DRC11: variants seen among roughly 807,000 people sequenced by gnomAD.
DRC11 encodes the protein dynein regulatory complex subunit 11.
the DRC11 span, among the ~76,000 whole-genome samples, chr2:236,388,879 C>T: frequency 6.6e-6 from 1 of 152,068 alleles, no homozygotes; most frequent in Non-Finnish European, 1.5e-5. Flanking sequence ...TTCCTTCTAA[C>T]AGAGAGGACC....
At chr2:236,463,014 C>T in the DRC11 span, among the ~76,000 whole-genome samples, 2 of 152,064 alleles carry the variant, frequency 1.3e-5, no homozygotes, top group Admixed American at 6.6e-5. This position sits in a 1 kb window ranked among gnomAD's most constrained non-coding sequence, Gnocchi z 5.0. Flanking sequence ...TCTTATACCA[C>T]GAGCAGGAGT....
the DRC11 span, among the ~76,000 whole-genome samples, chr2:236,357,952 AATAT>A: frequency 8.0e-5 from 8 of 99,480 alleles, no homozygotes; most frequent in East Asian, 7.5e-4. Flanking sequence ...ATAATATATA[AATAT>A]ATATAATATA....
At chr2:236,410,031 T>C in the DRC11 span, among the ~76,000 whole-genome samples, 360 of 152,238 alleles carry the variant, frequency 2.4e-3, no homozygotes, top group African/African-American at 8.4e-3. Flanking sequence ...TTGAGGATTT[T>C]TGCATCAATG....
the DRC11 span, among the ~76,000 whole-genome samples, chr2:236,442,555 C>T: frequency 6.6e-6 from 1 of 152,148 alleles, no homozygotes; most frequent in Non-Finnish European, 1.5e-5. Context: ...CCCTATCTGT[C>T]ACATGAAAAT....
chr2:236,320,983 G>A, the DRC11 span, among the ~76,000 whole-genome samples: 2 of 152,130 alleles, frequency 1.3e-5, no homozygotes, highest in South Asian at 2.1e-4. Flanking sequence ...ATGGCCAATA[G>A]GCTCAGTTTG....
chr2:236,326,219 ATCCT>A, the DRC11 span, among the ~76,000 whole-genome samples: 2 of 152,192 alleles, frequency 1.3e-5, no homozygotes, highest in African/African-American at 4.8e-5. Flanking sequence ...TTGATTTTTA[ATCCT>A]TCTTTAATTC....
chr2:236,442,240 A>C, the DRC11 span, among the ~76,000 whole-genome samples: 1 of 152,238 alleles, frequency 6.6e-6, no homozygotes, highest in African/African-American at 2.4e-5. Flanking sequence ...TAAAAGAAAA[A>C]ACTAGCGAGA....
chr2:236,496,613 G>A, the DRC11 span, among the ~76,000 whole-genome samples: 8 of 152,314 alleles, frequency 5.3e-5, no homozygotes, highest in Non-Finnish European at 8.8e-5. This position sits in a 1 kb window ranked among gnomAD's most constrained non-coding sequence, Gnocchi z 6.3. Context: ...GGGAGAGAGG[G>A]AAGGAAGGGA....
the DRC11 span, chr2:236,497,259 C>T: frequency 6.2e-7 from 1 of 1,613,788 alleles, no homozygotes; most frequent in Admixed American, 1.7e-5. The surrounding 1 kb of genome is among the most constrained non-coding windows in gnomAD (Gnocchi z 5.1). Context: ...GGATGCGGCC[C>T]ATCACCCCGT....
At chr2:236,331,410 C>G in the DRC11 span, 40 of 1,613,944 alleles carry the variant, frequency 2.5e-5, no homozygotes, top group African/African-American at 4.5e-4. This position sits in a 1 kb window ranked among gnomAD's most constrained non-coding sequence, Gnocchi z 4.8. Flanking sequence ...TGGTTATCGC[C>G]GTAATAAACT....
the DRC11 span, among the ~76,000 whole-genome samples, chr2:236,359,901 C>T: frequency 1.3e-5 from 2 of 152,134 alleles, no homozygotes; most frequent in South Asian, 2.1e-4. This position sits in a 1 kb window ranked among gnomAD's most constrained non-coding sequence, Gnocchi z 4.3. Context: ...GTGTCAGGCA[C>T]TCTGACATGA....
the DRC11 span, among the ~76,000 whole-genome samples, chr2:236,492,263 C>G: frequency 6.6e-6 from 1 of 152,140 alleles, no homozygotes; most frequent in Non-Finnish European, 1.5e-5. Flanking sequence ...AGTTAGGCTC[C>G]GCAGAATGGG....
the DRC11 span, among the ~76,000 whole-genome samples, chr2:236,497,684 C>T: frequency 6.6e-6 from 1 of 152,216 alleles, no homozygotes; most frequent in Non-Finnish European, 1.5e-5. The surrounding 1 kb of genome is among the most constrained non-coding windows in gnomAD (Gnocchi z 5.1). Flanking sequence ...TGTACCACCA[C>T]TATTATCATC....
chr2:236,355,345 A>G, the DRC11 span, among the ~76,000 whole-genome samples: 2 of 152,298 alleles, frequency 1.3e-5, no homozygotes, highest in East Asian at 3.9e-4. Context: ...CGCTCTCTGC[A>G]CTTTCTCCTC....
the DRC11 span, among the ~76,000 whole-genome samples, chr2:236,463,789 G>A: frequency 6.6e-6 from 1 of 152,184 alleles, no homozygotes; most frequent in Non-Finnish European, 1.5e-5. The surrounding 1 kb of genome is among the most constrained non-coding windows in gnomAD (Gnocchi z 5.0). Context: ...TTCTGGGTGG[G>A]GAACCAGATG....
the DRC11 span, among the ~76,000 whole-genome samples, chr2:236,498,173 G>A: frequency 4.5e-3 from 680 of 151,882 alleles, 9 homozygotes; most frequent in African/African-American, 0.016. Context: ...CAGGCTGGGC[G>A]TGGTGAGGTG....
At chr2:236,505,052 C>T in the DRC11 span, among the ~76,000 whole-genome samples, 226 of 152,284 alleles carry the variant, frequency 1.5e-3, 3 homozygotes, top group African/African-American at 5.2e-3. Flanking sequence ...ATGCACTTTG[C>T]AAACAGAAGG....
the DRC11 span, among the ~76,000 whole-genome samples, chr2:236,424,099 C>T: frequency 6.6e-6 from 1 of 151,180 alleles, no homozygotes; most frequent in African/African-American, 2.4e-5. Context: ...ATACCTAATG[C>T]TAGATGACGA....
the DRC11 span, among the ~76,000 whole-genome samples, chr2:236,366,975 A>AT: frequency 0.046 from 5,809 of 127,342 alleles, 347 homozygotes; most frequent in African/African-American, 0.14. Context: ...ACACCCGGCT[A>AT]TTTTTTTTTT....
Sources: allele counts gnomAD v4.1 joint callset (sites outside exome capture counted in the v4.1 genomes callset), GRCh38; gene constraint gnomAD v4.1.1; non-coding constraint Gnocchi (gnomAD v3.1); transcripts MANE v1.5; gene names NCBI Gene and HGNC (gene_info 2026-07-23, HGNC 2026-07-21).